The following SFXN4 variants were observed in gnomAD, a reference collection of about 807,000 sequenced individuals.
SFXN4 encodes the protein sideroflexin 4.
A neutral mutation model predicts 54.6 loss-of-function variants in SFXN4; 48 were observed. The observed-to-expected ratio is 0.88, with a 90% CI of 0.70 to 1.12. SFXN4 has a LOEUF of 1.12. SFXN4 is among the 50% of genes most tolerant of loss of function. The probability of loss-of-function intolerance (pLI) is 0.00; values close to 1 mark genes in which losing one functional copy is unlikely to be tolerated. For synonymous variants in SFXN4, 130 were observed against 145.5 expected (o/e 0.89, Z 0.77); for missense variants, 383 against 409.2 (o/e 0.94, Z 0.55).
At chr10:119,158,138 G>T in intron 6 of SFXN4, 76 bp from the exon 7 acceptor site, 1 of 1,383,878 alleles carries the variant, frequency 7.2e-7, no homozygotes, top group Non-Finnish European at 1.0e-6. Flanking sequence ...GAACTTTCCA[G>T]GGGAGAGGGA....
intron 10 of SFXN4, among the ~76,000 whole-genome samples, chr10:119,156,422 C>A (rs192631695): frequency 1.6e-4 from 25 of 152,178 alleles, no homozygotes; most frequent in African/African-American, 5.3e-4. Flanking sequence ...GAGCAAGACT[C>A]CGTCTCAAGA....
At chr10:119,152,232 T>TG (rs1451441243) in intron 11 of SFXN4, among the ~76,000 whole-genome samples, 3 of 151,090 alleles carry the variant, frequency 2.0e-5, no homozygotes, top group Admixed American at 6.6e-5. Flanking sequence ...TTTCGGGCGT[T>TG]TTTTTTTTTC....
At chr10:119,150,498 G>C (rs562173428) in intron 11 of SFXN4, among the ~76,000 whole-genome samples, 109 of 152,096 alleles carry the variant, frequency 7.2e-4, no homozygotes, top group African/African-American at 2.3e-3. Context: ...GCAACATAGC[G>C]AGACCCCATC....
At chr10:119,153,620 G>A (rs12416417) in intron 11 of SFXN4, among the ~76,000 whole-genome samples, 44,773 of 152,000 alleles carry the variant, frequency 0.29, 7,351 homozygotes, top group South Asian at 0.39. Context: ...AGAAAGGGGT[G>A]TCCACTGACC....
Position 119,141,318 on chromosome 10 carries a change from A to T in SFXN4, c.938T>A (p.Ile313Lys). The change falls in exon 14 of 14, where the codon ATA becomes AAA. Residue 313 changes from isoleucine to lysine, a missense_variant and splice_region_variant. Coordinates refer to ENST00000355697, the MANE Select transcript of SFXN4 (RefSeq NM_213649.2). ...TTTCTCTTCAAGACTACAGTACTGT[A>T]TCTGAAAAATAGTTAAATTCATAAT... ...SFSIFPQIGQ[I>K]QYCSLEEKIQ... The T allele has an allele frequency of 4.5e-6, 7 of 1,556,264 alleles. No homozygotes were observed. Among genetic ancestry groups the T allele is most frequent in the Non-Finnish European group, 6.1e-6 (7 of 1,138,942 alleles).
At chr10:119,162,466 T>C (rs1351693101) in intron 2 of SFXN4, 52 bp from the exon 3 acceptor site, 2 of 1,488,118 alleles carry the variant, frequency 1.3e-6, no homozygotes, top group African/African-American at 2.8e-5. Flanking sequence ...TGTTCAGGTT[T>C]ATCCCCAGAG....
chr10:119,141,954 G>A (rs1589618681), intron 13 of SFXN4, among the ~76,000 whole-genome samples: 1 of 152,106 alleles, frequency 6.6e-6, no homozygotes, highest in East Asian at 1.9e-4. Context: ...GGAGGTGGAG[G>A]TTACAGTGAG....
At chr10:119,161,424 C>CA (rs1589648449) in intron 3 of SFXN4, among the ~76,000 whole-genome samples, 139 of 50,236 alleles carry the variant, frequency 2.8e-3, no homozygotes, top group East Asian at 1.0e-2. Flanking sequence ...ACAACAACAA[C>CA]AACAAAAAAA....
In SFXN4 at chr10:119,159,657, C is replaced by T. The variant is rs1847435680; in HGVS notation, c.360+71G>A. On this transcript the variant is annotated intron_variant, in intron 6 of 13. Transcript: ENST00000355697. Reference sequence around the variant, plus strand: ...GGGGTCCGGAGCTGGAGGGACACAGCTGAGGTTAGGAGGAGAGTGGCCATC... The same window carrying T: ...GGGGTCCGGAGCTGGAGGGACACAGTTGAGGTTAGGAGGAGAGTGGCCATC... 3.3e-6 allele frequency: 5 copies of T among 1,521,316 alleles called. No individual in the cohort carries two copies. In the African/African-American group the frequency reaches 6.8e-5, roughly 21 times the overall value. The allele number at this position is 1,521,316 out of a possible 1,614,324, so 94.2% of individuals were successfully genotyped here.
rs188815813 is a variant in SFXN4 at position 119,145,439 on chromosome 10, C to T, written c.936+797G>A. 1.4e-3 allele frequency among the ~76,000 whole-genome samples: 210 copies of T among 151,708 alleles called. 1 individual carries two copies. The highest frequency in any genetic ancestry group is 2.2e-3 in the Non-Finnish European group (150 of 67,908). On this transcript the variant is annotated intron_variant, in intron 13 of 13. Transcript: ENST00000355697. Reference sequence around the variant, plus strand: ...AAGCGATTCTCCTGCCTCAGCCTCCCGAGTAGCTGAGATTACAGCTACCGT... The same window carrying T: ...AAGCGATTCTCCTGCCTCAGCCTCCTGAGTAGCTGAGATTACAGCTACCGT...
chr10:119,150,502 C>T (rs1366115297), intron 11 of SFXN4, among the ~76,000 whole-genome samples: 1 of 151,930 alleles, frequency 6.6e-6, no homozygotes, highest in African/African-American at 2.4e-5. Context: ...CATAGCGAGA[C>T]CCCATCTCTA....
intron 13 of SFXN4, among the ~76,000 whole-genome samples, chr10:119,145,477 T>C (rs1846750554): frequency 6.6e-6 from 1 of 151,946 alleles, no homozygotes; most frequent in African/African-American, 2.4e-5. Flanking sequence ...CTAATTTTTG[T>C]ATTTTTAGTA....
intron 11 of SFXN4, among the ~76,000 whole-genome samples, chr10:119,148,370 C>T (rs965742456): frequency 2.6e-5 from 4 of 152,068 alleles, no homozygotes; most frequent in East Asian, 1.9e-4. Context: ...TAGCTGGCAC[C>T]GTCTGCCAAA....
chr10:119,157,253 A>C (rs1358938646), intron 9 of SFXN4, among the ~76,000 whole-genome samples: 1 of 152,022 alleles, frequency 6.6e-6, no homozygotes, highest in African/African-American at 2.4e-5. Context: ...ACATGGTGAA[A>C]TCCCTTCTCT....
intron 1 of SFXN4, among the ~76,000 whole-genome samples, chr10:119,164,757 T>C (rs900614559): frequency 1.3e-5 from 2 of 151,908 alleles, no homozygotes; most frequent in Non-Finnish European, 2.9e-5. Context: ...CACCGCCCCT[T>C]CTCAATTTCC....
intron 1 of SFXN4, 64 bp downstream of exon 1, chr10:119,165,473 C>G: frequency 6.8e-7 from 1 of 1,474,532 alleles, no homozygotes; most frequent in Non-Finnish European, 8.9e-7. Flanking sequence ...CCCGGGTCAG[C>G]CCGACTCCAC....
At chr10:119,156,620 G>T in intron 10 of SFXN4, 58 bp downstream of exon 10, 1 of 1,329,152 alleles carries the variant, frequency 7.5e-7, no homozygotes, top group Non-Finnish European at 1.1e-6. Flanking sequence ...ATGAAGGAAG[G>T]CTCACAGACC....
intron 11 of SFXN4, among the ~76,000 whole-genome samples, chr10:119,148,324 A>G (rs188632278): frequency 3.9e-4 from 60 of 152,256 alleles, no homozygotes; most frequent in Admixed American, 1.5e-3. Flanking sequence ...TTCCATGTAC[A>G]GGTGTGTGGC....
chr10:119,158,988 AC>A (rs1213782533), intron 6 of SFXN4, among the ~76,000 whole-genome samples: 1 of 151,438 alleles, frequency 6.6e-6, no homozygotes, highest in Non-Finnish European at 1.5e-5. Context: ...ATTTTAAAAA[AC>A]AAAAAACGGT....
Sources: allele counts gnomAD v4.1 joint callset (sites outside exome capture counted in the v4.1 genomes callset), GRCh38; gene constraint gnomAD v4.1.1; transcripts MANE v1.5; gene names NCBI Gene and HGNC (gene_info 2026-07-23, HGNC 2026-07-21).